The following DYTN variants were observed in gnomAD, a reference collection of about 807,000 sequenced individuals.
DYTN encodes the protein dystrotelin.
In DYTN, 75 loss-of-function variants were observed where a neutral mutation model predicts 69.6. The ratio of observed to expected loss-of-function variants is 1.08; its 90% confidence interval spans 0.89 to 1.31. DYTN has a LOEUF of 1.31. Ranked by LOEUF, DYTN falls within the 50% of genes most tolerant of loss-of-function variation. The probability of loss-of-function intolerance (pLI) is 0.00; values close to 1 mark genes in which losing one functional copy is unlikely to be tolerated. For synonymous variants in DYTN, 252 were observed against 249.1 expected (o/e 1.01, Z -0.11); for missense variants, 726 against 688.4 (o/e 1.05, Z -0.61).
At chr2:206,712,796 C>T (rs899367981) in intron 1 of DYTN, among the ~76,000 whole-genome samples, 2 of 152,238 alleles carry the variant, frequency 1.3e-5, no homozygotes, top group Non-Finnish European at 2.9e-5. Flanking sequence ...CCAGGCCCAG[C>T]CCATCAGTGA....
intron 8 of DYTN, among the ~76,000 whole-genome samples, chr2:206,693,529 C>T (rs1224906341): frequency 6.6e-6 from 1 of 152,138 alleles, no homozygotes; most frequent in African/African-American, 2.4e-5. Flanking sequence ...ACACCCCAAA[C>T]CCCCTCAATA....
At chr2:206,662,513 C>T (rs1699522794) in intron 11 of DYTN, among the ~76,000 whole-genome samples, 1 of 151,918 alleles carries the variant, frequency 6.6e-6, no homozygotes, top group Non-Finnish European at 1.5e-5. Flanking sequence ...ATAGAAACTG[C>T]AATCAATTCT....
At chr2:206,683,579 T>A (rs1042821598) in intron 9 of DYTN, among the ~76,000 whole-genome samples, 2 of 151,894 alleles carry the variant, frequency 1.3e-5, no homozygotes, top group Non-Finnish European at 2.9e-5. Context: ...CCTGGCCCCA[T>A]GTGATTTGCC....
chr2:206,662,798 C>T, intron 11 of DYTN, 105 bp downstream of exon 11: 16 of 1,482,684 alleles, frequency 1.1e-5, no homozygotes, highest in Non-Finnish European at 1.4e-5. Context: ...AGCACTGCTA[C>T]ATACTAGATG....
chr2:206,694,954 G>A, intron 7 of DYTN, 77 bp from the exon 8 acceptor site: 1 of 1,120,478 alleles, frequency 8.9e-7, no homozygotes. Context: ...TCCAGGTAGA[G>A]AATGAGCAAC....
chr2:206,680,697 A>C (rs1699742162), intron 9 of DYTN, among the ~76,000 whole-genome samples: 1 of 152,116 alleles, frequency 6.6e-6, no homozygotes, highest in Admixed American at 6.5e-5. Context: ...CCAAGGGCCA[A>C]ATCTTGTGTA....
chr2:206,669,389 C>A (rs1461284087), intron 9 of DYTN, among the ~76,000 whole-genome samples: 1 of 152,164 alleles, frequency 6.6e-6, no homozygotes, highest in East Asian at 1.9e-4. Context: ...TCATGTCACA[C>A]ACACATTTGA....
At chr2:206,714,688 G>C (rs1372440628) in intron 1 of DYTN, among the ~76,000 whole-genome samples, 3 of 93,638 alleles carry the variant, frequency 3.2e-5, no homozygotes, top group Non-Finnish European at 5.8e-5. Context: ...ACCCCTGAGT[G>C]GGGGAATGAA....
intron 1 of DYTN, among the ~76,000 whole-genome samples, chr2:206,713,044 C>T (rs1480747609): frequency 6.6e-6 from 1 of 152,166 alleles, no homozygotes; most frequent in Non-Finnish European, 1.5e-5. Context: ...GGAGAGAAAC[C>T]GCTTCCTGGT....
At chr2:206,692,790 A>C (rs1300137904) in intron 9 of DYTN, among the ~76,000 whole-genome samples, 1 of 151,638 alleles carries the variant, frequency 6.6e-6, no homozygotes, top group African/African-American at 2.4e-5. Context: ...TGGTATGCTG[A>C]GTGTCTTTCT....
intron 7 of DYTN, among the ~76,000 whole-genome samples, chr2:206,697,143 T>C (rs921741304): frequency 3.3e-5 from 5 of 152,238 alleles, no homozygotes; most frequent in Non-Finnish European, 5.9e-5. Context: ...ATGGCTGTGA[T>C]TAACTTATTT....
chr2:206,651,807 T>C lies in DYTN; in HGVS notation c.*11A>G. ...CATCACACCAAGAGGCCTTTGAGCC[T>C]GGACTCCATTTCACTTCAAATTGGG... is the stretch of plus-strand genomic sequence containing the variant. On this transcript the variant is annotated 3_prime_UTR_variant, in exon 12 of 12. Coordinates refer to ENST00000452335, the MANE Select transcript of DYTN (RefSeq NM_001093730.1). 1 of 1,612,948 alleles carries C rather than the reference T, an allele frequency of 6.2e-7. No homozygotes were observed. The highest frequency in any genetic ancestry group is 8.5e-7 in the Non-Finnish European group (1 of 1,179,104).
intron 9 of DYTN, among the ~76,000 whole-genome samples, chr2:206,676,480 C>A (rs543330680): frequency 1.3e-5 from 2 of 152,010 alleles, no homozygotes; most frequent in Non-Finnish European, 2.9e-5. Context: ...TTAACGCATG[C>A]GGGGCCTAAA....
At chr2:206,700,117 A>G in intron 6 of DYTN, 28 bp downstream of exon 6, 3 of 1,612,650 alleles carry the variant, frequency 1.9e-6, no homozygotes, top group Non-Finnish European at 2.5e-6. Flanking sequence ...TCTGTCCCCA[A>G]CTCCAGGGAC....
At chr2:206,687,527 A>G (rs971391784) in intron 9 of DYTN, among the ~76,000 whole-genome samples, 1 of 152,152 alleles carries the variant, frequency 6.6e-6, no homozygotes, top group African/African-American at 2.4e-5. Context: ...ATTTACCATA[A>G]CAAAATGTTT....
chr2:206,654,127 T>C (rs1699420372), intron 11 of DYTN, among the ~76,000 whole-genome samples: 1 of 152,248 alleles, frequency 6.6e-6, no homozygotes, highest in South Asian at 2.1e-4. Context: ...TCTGCCTTCA[T>C]GGAGCTTAAA....
chr2:206,652,499 A>G (rs1020293573), intron 11 of DYTN, among the ~76,000 whole-genome samples: 4 of 152,234 alleles, frequency 2.6e-5, no homozygotes, highest in Non-Finnish European at 4.4e-5. Context: ...TTTAACTTAA[A>G]GAGTTCTGTT....
In DYTN at chr2:206,693,341, AT is replaced by A; in HGVS notation, c.832-19del. On this transcript the variant is annotated intron_variant, in intron 8 of 11. Transcript: ENST00000452335. ...GCTGACATCTGCTGAAAGGGCCAAC[AT>A]TTTTAAAAAGCGTCAGATCAGTCTA... 6.2e-7 allele frequency: 1 copy of A among 1,607,824 alleles called. No individual in the cohort carries two copies.
intron 5 of DYTN, among the ~76,000 whole-genome samples, chr2:206,703,744 T>A (rs1699997749): frequency 6.6e-6 from 1 of 152,112 alleles, no homozygotes; most frequent in Non-Finnish European, 1.5e-5. Flanking sequence ...TATCCTCAGT[T>A]CAGAATCCTT....
Sources: gnomAD v4.1 joint callset for allele counts (sites outside exome capture counted in the v4.1 genomes callset) on GRCh38, gnomAD v4.1.1 for gene constraint, MANE v1.5 for transcripts, NCBI Gene and HGNC (gene_info 2026-07-23, HGNC 2026-07-21) for gene names.